The following FER1L5 variants were observed in gnomAD, a reference collection of about 807,000 sequenced individuals.
The protein encoded by FER1L5 is fer-1 like family member 5.
Under a neutral mutation model 279.9 loss-of-function variants are expected in FER1L5, and 187 were observed. That is an observed-to-expected ratio of 0.67 (90% CI 0.59 to 0.75). The LOEUF is 0.75. Ranked by LOEUF, FER1L5 falls within the 30% of genes least tolerant of loss-of-function variation. FER1L5 has a pLI of 0.00. For synonymous variants in FER1L5, 921 were observed against 989.7 expected, an observed-to-expected ratio of 0.93 and a Z score of 1.30; for missense variants, 2,091 against 2,594.4, an observed-to-expected ratio of 0.81 and a Z score of 4.21.
intron 17 of FER1L5, among the ~76,000 whole-genome samples, chr2:96,669,495 G>A (rs1356907365): frequency 3.3e-5 from 5 of 152,170 alleles, no homozygotes; most frequent in Non-Finnish European, 7.3e-5. Flanking sequence ...GACTCGAACA[G>A]GCTTAAACCC....
At chr2:96,668,708 A>G (rs1487061857) in intron 14 of FER1L5, 43 bp from the exon 15 acceptor site, 8 of 1,550,446 alleles carry the variant, frequency 5.2e-6, no homozygotes, top group Non-Finnish European at 6.1e-6. Flanking sequence ...GGGCCAGACC[A>G]TCCCAATGTG....
rs1417455186 is a variant in FER1L5, at chr2:96,694,472, C to T, written c.3741+8C>T. Reference sequence around the variant, plus strand: ...AAGAGGATGGCCATTGAGGTGCTGGCGATGTGGGATGGGGACGGTGGGCAG... The same window carrying T: ...AAGAGGATGGCCATTGAGGTGCTGGTGATGTGGGATGGGGACGGTGGGCAG... On this transcript the variant is annotated splice_region_variant and intron_variant, in intron 34 of 52. Transcript: ENST00000624922. The surrounding 1 kb of genome is among the most constrained non-coding windows in gnomAD (Gnocchi z 4.6). 5.2e-6 allele frequency: 8 copies of T among 1,534,970 alleles called. No individual in the cohort carries two copies. Among genetic ancestry groups the T allele is most frequent in the African/African-American group, 1.4e-5 (1 of 72,636 alleles).
At chr2:96,649,544 A>G (rs1573772249) in intron 4 of FER1L5, 79 bp from the exon 5 acceptor site, 8 of 1,440,674 alleles carry the variant, frequency 5.6e-6, no homozygotes, top group African/African-American at 2.8e-5. Context: ...TGTGAACCCA[A>G]CCAGGCTGTG....
rs371554779 is a variant in FER1L5, at chr2:96,698,758, T to G, written c.4444T>G (p.Phe1482Val). The change falls in exon 41 of 53, where the codon TTC becomes GTC. Residue 1482 changes from phenylalanine to valine, a missense_variant. By Grantham distance (50) the Phe-to-Val change is conservative (BLOSUM62 -1). Coordinates refer to ENST00000624922, the MANE Select transcript of FER1L5 (RefSeq NM_001293083.2). This position sits in a 1 kb window ranked among gnomAD's most constrained non-coding sequence, Gnocchi z 5.5. ...QFLVWPERED[F>V]PQPCLVRVYM... ...CTTGGTTTGGCCAGAGAGAGAGGAC[T>G]TCCCCCAGCCGTGCTTGGTGCGGGT... 3 of 1,570,874 alleles carry G rather than the reference T, an allele frequency of 1.9e-6. No homozygotes were observed. The African/African-American group carries it at 4.1e-5, about 21-fold the overall frequency.
intron 19 of FER1L5, among the ~76,000 whole-genome samples, chr2:96,680,330 G>A (rs1243087003): frequency 3.3e-5 from 5 of 151,976 alleles, no homozygotes; most frequent in South Asian, 4.2e-4. Flanking sequence ...GCCAGGGTCT[G>A]AAACTAGTGT....
chr2:96,695,794 AC>A lies in FER1L5; in HGVS notation c.3948del (p.Asp1316GlufsTer10). 3.1e-6 allele frequency: 5 copies of A among 1,613,076 alleles called. No homozygotes were observed. Among genetic ancestry groups the A allele is most frequent in the Non-Finnish European group, 4.2e-6 (5 of 1,179,548 alleles). On this transcript the variant is annotated frameshift_variant, in exon 36 of 53. Transcript: ENST00000624922. LOFTEE classifies it high-confidence loss of function. ...YALPLVVKVV[D>X]NWAFGQQTVT... The stretch of plus-strand genomic sequence containing the variant: ...CTGCCCCTCGTGGTGAAGGTGGTAG[AC>A]AACTGGGCCTTCGGCCAGCAGACCG...
At chr2:96,649,601 C>T (rs772006315) in intron 4 of FER1L5, 22 bp from the exon 5 acceptor site, 1 of 1,550,818 alleles carries the variant, frequency 6.4e-7, no homozygotes, top group Non-Finnish European at 8.7e-7. Flanking sequence ...TGGCTTACAG[C>T]TCCCTTGCCT....
chr2:96,691,623 A>T lies in FER1L5; in HGVS notation c.3075+11A>T, dbSNP rs2077151024. The T allele has an allele frequency of 6.6e-7, 1 of 1,514,080 alleles. No homozygotes were observed. The highest frequency in any genetic ancestry group is 8.9e-7 in the Non-Finnish European group (1 of 1,127,786). The allele number at this position is 1,514,080 out of a possible 1,614,324, so 93.8% of individuals were successfully genotyped here. A position where few individuals can be genotyped will look rare whatever the true frequency, so the allele number is the denominator to read the frequency against. On this transcript the variant is annotated intron_variant, in intron 29 of 52. Transcript: ENST00000624922. This position sits in a 1 kb window ranked among gnomAD's most constrained non-coding sequence, Gnocchi z 6.0. ...CTGGAGGGGTCCTTGGTAAAGCCTC[A>T]CAGGCTGGGTGATGCCTGCCTGTAA...
chr2:96,659,468 T>C (rs557665236), intron 9 of FER1L5, among the ~76,000 whole-genome samples: 1,013 of 28,184 alleles, frequency 0.036, 37 homozygotes, highest in Non-Finnish European at 0.043. Context: ...TTTCTTTCTT[T>C]CTTTCTTTCT....
intron 6 of FER1L5, among the ~76,000 whole-genome samples, chr2:96,651,275 CT>C (rs1477709003): frequency 2.7e-5 from 4 of 149,934 alleles, no homozygotes; most frequent in Middle Eastern, 3.4e-3. Context: ...TTCTTTCTTT[CT>C]TTCTTTCTTT....
rs980127083 is a variant in FER1L5, at chr2:96,670,309, G to A, written c.1491+62G>A. 37 of 1,539,418 alleles carry A rather than the reference G, an allele frequency of 2.4e-5. No homozygotes were observed. The African/African-American group carries it at 5.1e-4, about 21-fold the overall frequency. On this transcript the variant is annotated intron_variant, in intron 18 of 52. Coordinates refer to ENST00000624922, the MANE Select transcript of FER1L5 (RefSeq NM_001293083.2). ...GAGCCCTGTCTGCCCCGGATCTACT[G>A]TGGATCCCAGTTTCTGACCGTGTAG...
chr2:96,699,034 T>C lies in FER1L5; in HGVS notation c.4519-11T>C, dbSNP rs2153306563. The C allele has an allele frequency of 6.2e-7, 1 of 1,603,792 alleles. No individual in the cohort carries two copies. The highest frequency in any genetic ancestry group is 8.5e-7 in the Non-Finnish European group (1 of 1,175,254). Reference sequence around the variant, plus strand: ...AGTTCCTATCCTTCCCCCACTTGTATCTGACCCCAGTGTGACCCTTATGTG... The same window carrying C: ...AGTTCCTATCCTTCCCCCACTTGTACCTGACCCCAGTGTGACCCTTATGTG... On this transcript the variant is annotated splice_polypyrimidine_tract_variant and intron_variant, in intron 41 of 52. Coordinates refer to ENST00000624922, the MANE Select transcript of FER1L5 (RefSeq NM_001293083.2).
In FER1L5 at chr2:96,647,958, C is replaced by T. The variant is rs1233508747; in HGVS notation, c.339+72C>T. The T allele has an allele frequency of 4.2e-6, 5 of 1,204,710 alleles. No individual in the cohort carries two copies. The Admixed American group carries it at 1.0e-4, about 24-fold the overall frequency. The allele number at this position is 1,204,710 out of a possible 1,614,324, so 74.6% of individuals were successfully genotyped here. On this transcript the variant is annotated intron_variant, in intron 4 of 52. Transcript: ENST00000624922. ...GGGGAGCTGGTGAAGCGGCCCACAC[C>T]ACAAGAGTGCTTCCTGCTTGGGGGG...
chr2:96,692,029 G>C, intron 30 of FER1L5, 66 bp downstream of exon 30: 2 of 975,690 alleles, frequency 2.0e-6, no homozygotes, highest in Non-Finnish European at 3.1e-6. Flanking sequence ...CGGGGGGGGG[G>C]GACAGGGTGG....
At chr2:96,643,546 C>T (rs991395828) in intron 1 of FER1L5, among the ~76,000 whole-genome samples, 1 of 151,916 alleles carries the variant, frequency 6.6e-6, no homozygotes, top group Non-Finnish European at 1.5e-5. Context: ...GACGGGGTTT[C>T]ACCATATTGG....
rs750341048 is a variant in FER1L5 at position 96,671,106 on chromosome 2, C to CAAAAAAAAAAAAAAAAAAAAAA, written c.1491+860_1491+881dup. Among the ~76,000 whole-genome samples the CAAAAAAAAAAAAAAAAAAAAAA allele has an allele frequency of 2.5e-4, 10 of 40,218 alleles. 2 individuals carry two copies. The highest frequency in any genetic ancestry group is 8.6e-4 in the East Asian group (1 of 1,166). The allele number at this position is 40,218 out of a possible 152,430, so 26.4% of individuals were successfully genotyped here. Reference sequence around the variant, plus strand: ...TGGGTGACAGAGTGAGACTCCATCTCAAAAAAAAAAAAAAAAAAAAAAGGA... The same window carrying CAAAAAAAAAAAAAAAAAAAAAA: ...TGGGTGACAGAGTGAGACTCCATCTCAAAAAAAAAAAAAAAAAAAAAAAAAAAAAAAAAAAAAAAAAAAAGGA... On this transcript the variant is annotated intron_variant, in intron 18 of 52. Transcript: ENST00000624922.
At chr2:96,693,746 G>T in intron 32 of FER1L5, 59 bp downstream of exon 32, 1 of 1,511,566 alleles carries the variant, frequency 6.6e-7, no homozygotes, top group South Asian at 1.3e-5. Context: ...TGGCTGAGGG[G>T]ATTTATTTTA....
At chr2:96,675,068 A>C (rs866664366) in intron 19 of FER1L5, among the ~76,000 whole-genome samples, 4 of 152,136 alleles carry the variant, frequency 2.6e-5, no homozygotes, top group African/African-American at 9.7e-5. Context: ...GTCTGTATTC[A>C]TCTGTCTTAA....
intron 20 of FER1L5, among the ~76,000 whole-genome samples, chr2:96,684,675 G>C (rs1003720040): frequency 2.0e-5 from 3 of 152,204 alleles, no homozygotes; most frequent in African/African-American, 7.2e-5. Context: ...AGACATGCAG[G>C]CAGTGACTGT....
Sources: allele counts gnomAD v4.1 joint callset (sites outside exome capture counted in the v4.1 genomes callset), GRCh38; gene constraint gnomAD v4.1.1; non-coding constraint Gnocchi (gnomAD v3.1); transcripts MANE v1.5; gene names NCBI Gene and HGNC (gene_info 2026-07-23, HGNC 2026-07-21).